The following NCKAP5 variants were observed in gnomAD, a reference collection of about 807,000 sequenced individuals.
NCKAP5 encodes the protein nck-associated protein 5.
NCKAP5 carries 92 observed loss-of-function variants against 167.0 expected under a neutral mutation model. The observed-to-expected ratio is 0.55, with a 90% CI of 0.47 to 0.66. The LOEUF is 0.66. Among genes scored for constraint, NCKAP5 ranks in the 30% least tolerant of loss-of-function variants. The probability of loss-of-function intolerance (pLI) is 0.00; values close to 1 mark genes in which losing one functional copy is unlikely to be tolerated. For synonymous variants in NCKAP5, 891 were observed against 877.4 expected (o/e 1.02, Z -0.27); for missense variants, 2,378 against 2,315.0 (o/e 1.03, Z -0.56).
chr2:133,249,697 C>G (rs1378112914), intron 4 of NCKAP5, among the ~76,000 whole-genome samples: 1 of 152,186 alleles, frequency 6.6e-6, no homozygotes, highest in South Asian at 2.1e-4. Context: ...GATTCAAGCT[C>G]TATGTCTACG....
intron 4 of NCKAP5, among the ~76,000 whole-genome samples, chr2:133,226,904 AATCT>A (rs1056259954): frequency 2.6e-5 from 4 of 152,216 alleles, no homozygotes; most frequent in African/African-American, 9.7e-5. Flanking sequence ...TTTAATATAA[AATCT>A]ATCAACTATG....
chr2:132,731,874 AG>A lies in NCKAP5; in HGVS notation c.5305del (p.Glu1770AsnfsTer27). ...SAVSSMRAQT[L>X]EREVPSSTDG... ...TGTGGAGGAAGGCACTTCACGTTCA[AG>A]GGTTTGGGCTCTCATGGAAGAAACT... On this transcript the variant is annotated frameshift_variant, in exon 17 of 20. Transcript: ENST00000409261. LOFTEE classifies it high-confidence loss of function. 1.2e-6 allele frequency: 2 copies of A among 1,613,868 alleles called. No individual in the cohort carries two copies. Among genetic ancestry groups the A allele is most frequent in the Non-Finnish European group, 1.7e-6 (2 of 1,179,856 alleles).
At chr2:133,607,126 G>T in the NCKAP5 span, among the ~76,000 whole-genome samples, 42 of 152,330 alleles carry the variant, frequency 2.8e-4, no homozygotes, top group East Asian at 6.9e-3. Flanking sequence ...TATTACATCA[G>T]TATGTGTACC....
chr2:133,519,518 G>T (rs60640457), intron 2 of NCKAP5, among the ~76,000 whole-genome samples: 2,895 of 152,202 alleles, frequency 0.019, 103 homozygotes, highest in African/African-American at 0.066. Flanking sequence ...AACACTGGTA[G>T]TTCAGAACAC....
In NCKAP5 at chr2:132,731,788, C is replaced by T. The variant is rs777366700; in HGVS notation, c.5392G>A (p.Ala1798Thr). 8.1e-6 allele frequency: 13 copies of T among 1,613,502 alleles called. No homozygotes were observed. The highest frequency in any genetic ancestry group is 6.7e-5 in the East Asian group (3 of 44,844). ...CTCTGAAGAGGCCTCATCCCTCTGG[C>T]GGTCATGATGGGGTCGGATGTGGAA... The part of the protein sequence containing the change: ...VHSTSDPIMT[A>T]RGMRPLQSRL... The change falls in exon 17 of 20, where the codon GCC becomes ACC. Residue 1798 changes from alanine (A) to threonine (T), a missense_variant. By Grantham distance (58) the Ala-to-Thr change is moderately conservative. Around this residue, in one of 3 missense-constraint regions of NCKAP5, gnomAD observed 1,325 missense variants for 1,274.5 expected, o/e 1.04. Transcript: ENST00000409261.
In NCKAP5 at chr2:132,725,766, G is replaced by A; in HGVS notation, c.5581-7C>T. 1.2e-6 allele frequency: 2 copies of A among 1,612,248 alleles called. No homozygotes were observed. Among genetic ancestry groups the A allele is most frequent in the Non-Finnish European group, 1.7e-6 (2 of 1,179,346 alleles). ...ACATTCTGGGTGCCTTGTCCTAAAT[G>A]AGTAATATGAGACTGTTAAGATAAT... On this transcript the variant is annotated splice_polypyrimidine_tract_variant and splice_region_variant and intron_variant, in intron 18 of 19. Transcript: ENST00000409261.
intron 2 of NCKAP5, among the ~76,000 whole-genome samples, chr2:133,547,121 G>T (rs376237701): frequency 6.6e-6 from 1 of 152,184 alleles, no homozygotes; most frequent in Non-Finnish European, 1.5e-5. Flanking sequence ...GGTGACGGAC[G>T]CACCTGGAAA....
chr2:133,480,543 G>A (rs941846265), intron 3 of NCKAP5, among the ~76,000 whole-genome samples: 1 of 152,086 alleles, frequency 6.6e-6, no homozygotes, highest in Non-Finnish European at 1.5e-5. Flanking sequence ...CACATATTCA[G>A]AATCTGGAAG....
the NCKAP5 span, among the ~76,000 whole-genome samples, chr2:133,642,563 G>T: frequency 6.6e-6 from 1 of 152,188 alleles, no homozygotes; most frequent in Non-Finnish European, 1.5e-5. Flanking sequence ...ACTGGGGCTA[G>T]GGAGTTGAAA....
At chr2:133,168,932 C>T (rs977741007) in intron 5 of NCKAP5, among the ~76,000 whole-genome samples, 5 of 152,120 alleles carry the variant, frequency 3.3e-5, no homozygotes, top group Admixed American at 6.5e-5. Context: ...ACCTTCTAAA[C>T]GCTGTATCCC....
chr2:133,343,363 T>C (rs1683726571), intron 3 of NCKAP5, among the ~76,000 whole-genome samples: 1 of 151,512 alleles, frequency 6.6e-6, no homozygotes, highest in South Asian at 2.1e-4. Context: ...AACATGTTAG[T>C]AGCAAAAAAT....
intron 3 of NCKAP5, among the ~76,000 whole-genome samples, chr2:133,435,199 C>T (rs886990091): frequency 6.6e-6 from 1 of 152,148 alleles, no homozygotes; most frequent in Non-Finnish European, 1.5e-5. Flanking sequence ...GAGAGATCTT[C>T]TAATGACAGA....
rs1344517569 is a variant in NCKAP5, at chr2:133,299,439, C to T, written c.143+3598G>A. Among the ~76,000 whole-genome samples, 4 of 151,928 alleles carry T rather than the reference C, an allele frequency of 2.6e-5. 1 individual carries two copies. The highest frequency in any genetic ancestry group is 2.6e-4 in the Admixed American group (4 of 15,228). Reference sequence around the variant, plus strand: ...TACAGAGAGAGCACTCTCCCCATGCCGCAAGGAGATGAAAAGAAATAAAGG... The same window carrying T: ...TACAGAGAGAGCACTCTCCCCATGCTGCAAGGAGATGAAAAGAAATAAAGG... On this transcript the variant is annotated intron_variant, in intron 4 of 19. Transcript: ENST00000409261.
chr2:132,914,211 T>C (rs1694683278), intron 8 of NCKAP5, among the ~76,000 whole-genome samples: 9 of 152,164 alleles, frequency 5.9e-5, no homozygotes. Context: ...GGCTAAATCA[T>C]ATTTGTGAAA....
intron 2 of NCKAP5, chr2:133,557,889 G>C (rs911406096): frequency 1.8e-4 from 28 of 152,306 alleles, no homozygotes; most frequent in African/African-American, 6.5e-4. Context: ...CCCTGAGGTG[G>C]GGGCTTTCCT....
intron 2 of NCKAP5, among the ~76,000 whole-genome samples, chr2:133,538,931 GTT>G (rs71412735): frequency 0.034 from 3,592 of 106,926 alleles, 6 homozygotes; most frequent in East Asian, 0.11. Flanking sequence ...GTTTTTTTGG[GTT>G]TTTTTTTTTT....
At chr2:133,306,938 C>T (rs888635753) in intron 3 of NCKAP5, among the ~76,000 whole-genome samples, 1 of 152,134 alleles carries the variant, frequency 6.6e-6, no homozygotes, top group Non-Finnish European at 1.5e-5. Flanking sequence ...GAGCAAGCAT[C>T]CTGTCATCTA....
chr2:132,898,819 A>G (rs891617370), intron 8 of NCKAP5, among the ~76,000 whole-genome samples: 21 of 152,342 alleles, frequency 1.4e-4, no homozygotes, highest in African/African-American at 4.8e-4. Flanking sequence ...GTAAACACAT[A>G]TGTTGTCACC....
chr2:132,897,840 C>T (rs186883428), intron 8 of NCKAP5, among the ~76,000 whole-genome samples: 22 of 152,250 alleles, frequency 1.4e-4, no homozygotes, highest in Non-Finnish European at 2.1e-4. Flanking sequence ...AAAATGCTAA[C>T]GATTATCTGA....
Sources: gnomAD v4.1 joint callset for allele counts (sites outside exome capture counted in the v4.1 genomes callset) on GRCh38, gnomAD v4.1.1 for gene constraint, gnomAD v4.1.1 regional missense constraint, MANE v1.5 for transcripts, NCBI Gene and HGNC (gene_info 2026-07-23, HGNC 2026-07-21) for gene names.